ARHGAP10: variants seen among roughly 807,000 people sequenced by gnomAD.
ARHGAP10 encodes the protein rho GTPase-activating protein 10.
Under a neutral mutation model 108.6 loss-of-function variants are expected in ARHGAP10, and 87 were observed. The observed-to-expected ratio is 0.80, with a 90% CI of 0.67 to 0.96. The LOEUF is 0.96. ARHGAP10 is among the 40% of genes least tolerant of loss of function. ARHGAP10 has a pLI of 0.00. For missense variants in ARHGAP10, 939 were observed against 954.5 expected, an observed-to-expected ratio of 0.98 and a Z score of 0.21; for synonymous variants, 347 against 341.1, an observed-to-expected ratio of 1.02 and a Z score of -0.19.
intron 1 of ARHGAP10, among the ~76,000 whole-genome samples, chr4:147,821,632 C>T (rs1732501383): frequency 6.6e-6 from 1 of 152,136 alleles, no homozygotes. Flanking sequence ...GGAGCAGGGG[C>T]TATATGGGGA....
intron 1 of ARHGAP10, among the ~76,000 whole-genome samples, chr4:147,795,875 A>G (rs1731299971): frequency 6.6e-6 from 1 of 151,838 alleles, no homozygotes. Flanking sequence ...TTGTATTTTT[A>G]GTAAAGATGG....
intron 10 of ARHGAP10, among the ~76,000 whole-genome samples, chr4:147,906,359 G>A (rs1308573616): frequency 6.6e-6 from 1 of 152,150 alleles, no homozygotes. Flanking sequence ...AGGCTTTTAT[G>A]TAGCAATTGA....
intron 1 of ARHGAP10, among the ~76,000 whole-genome samples, chr4:147,740,839 T>C (rs1235386959): frequency 6.6e-6 from 1 of 152,218 alleles, no homozygotes; most frequent in Non-Finnish European, 1.5e-5. Flanking sequence ...CATTTATTTT[T>C]CCCCCTCCCC....
At position 148,072,226 on chromosome 4, in the gene ARHGAP10, G is replaced by T. The variant is rs1434545859; in HGVS notation, c.*145G>T. On this transcript the variant is annotated 3_prime_UTR_variant, in exon 23 of 23. Transcript: ENST00000336498. ...ACCATCATCACAGTCAGCCCTGGGG[G>T]TGGGGGGTGGTGGGCAGGGATGGGA... 3.0e-5 allele frequency: 16 copies of T among 536,024 alleles called. 1 individual carries two copies. Among genetic ancestry groups the T allele is most frequent in the Non-Finnish European group, 4.2e-5 (13 of 309,540 alleles). The allele number at this position is 536,024 out of a possible 1,614,324, so 33.2% of individuals were successfully genotyped here. A position where few individuals can be genotyped will look rare whatever the true frequency, so the allele number is the denominator to read the frequency against.
chr4:147,837,662 T>TTTTTTGTTTTTTTTTTTTA (rs1733233202), intron 3 of ARHGAP10, among the ~76,000 whole-genome samples: 1 of 148,594 alleles, frequency 6.7e-6, no homozygotes, highest in Non-Finnish European at 1.5e-5. Flanking sequence ...TTTTTTTTTT[T>TTTTTTGTTTTTTTTTTTTA]AAAGCAGTAG....
rs532779521 is a variant in ARHGAP10, at chr4:147,886,681, A to G, written c.1034+4749A>G. On this transcript the variant is annotated intron_variant, in intron 10 of 22. Transcript: ENST00000336498. Reference sequence around the variant, plus strand: ...CTCTCTTTCTAGAGAAGCAATTTCTACTGTATTCATGGGATCACTTCAAAT... The same window carrying G: ...CTCTCTTTCTAGAGAAGCAATTTCTGCTGTATTCATGGGATCACTTCAAAT... Among the ~76,000 whole-genome samples the G allele has an allele frequency of 1.3e-4, 20 of 152,282 alleles. 1 individual carries two copies. The highest frequency in any genetic ancestry group is 4.3e-4 in the African/African-American group (18 of 41,560).
chr4:147,964,175 G>C (rs995485318), intron 16 of ARHGAP10, among the ~76,000 whole-genome samples: 2 of 151,958 alleles, frequency 1.3e-5, no homozygotes, highest in Non-Finnish European at 2.9e-5. Context: ...CCCTCCCTAC[G>C]AGCCTCCTCT....
At position 147,820,388 on chromosome 4, in the gene ARHGAP10, C is replaced by T. The variant is rs143035312; in HGVS notation, c.155-2339C>T. Among the ~76,000 whole-genome samples the T allele has an allele frequency of 4.8e-3, 724 of 151,656 alleles. 5 individuals carry two copies. The highest frequency in any genetic ancestry group is 0.016 in the African/African-American group (680 of 41,328). ...GCAACCTTCGCCTCCTGAGTTCAAG[C>T]GATTCTCCTGCCTCAGCCTCCCAAG... On this transcript the variant is annotated intron_variant, in intron 1 of 22. Transcript: ENST00000336498.
At chr4:147,774,981 C>T (rs1011401318) in intron 1 of ARHGAP10, among the ~76,000 whole-genome samples, 13 of 151,720 alleles carry the variant, frequency 8.6e-5, no homozygotes, top group Non-Finnish European at 1.6e-4. Flanking sequence ...TCTGGGCTCA[C>T]TGCAACCTCT....
At chr4:147,906,307 T>A (rs1168801732) in intron 10 of ARHGAP10, among the ~76,000 whole-genome samples, 1 of 152,136 alleles carries the variant, frequency 6.6e-6, no homozygotes, top group African/African-American at 2.4e-5. Context: ...ATATTGTGAA[T>A]GGATAAGAAA....
At chr4:147,951,245 C>T (rs1184896573) in intron 15 of ARHGAP10, among the ~76,000 whole-genome samples, 1 of 151,938 alleles carries the variant, frequency 6.6e-6, no homozygotes, top group African/African-American at 2.4e-5. Flanking sequence ...CTCCCTCGAC[C>T]CCACTTTTCT....
At chr4:148,045,522 A>AG (rs1384910503) in intron 19 of ARHGAP10, among the ~76,000 whole-genome samples, 13 of 151,980 alleles carry the variant, frequency 8.6e-5, no homozygotes, top group African/African-American at 3.1e-4. Context: ...CAGGCGGATC[A>AG]CCTGAGGTCA....
chr4:147,831,657 A>G (rs183427659), intron 3 of ARHGAP10, among the ~76,000 whole-genome samples: 2 of 152,196 alleles, frequency 1.3e-5, no homozygotes, highest in African/African-American at 4.8e-5. Context: ...GACCTTTACA[A>G]TTGGACAGCA....
chr4:148,058,253 C>T (rs1389844875), intron 20 of ARHGAP10, among the ~76,000 whole-genome samples: 1 of 152,166 alleles, frequency 6.6e-6, no homozygotes, highest in Non-Finnish European at 1.5e-5. Context: ...AGCTTCTGCT[C>T]AGAGACCTGG....
chr4:147,956,186 A>G (rs967218821), intron 16 of ARHGAP10, among the ~76,000 whole-genome samples: 14 of 152,178 alleles, frequency 9.2e-5, no homozygotes, highest in Admixed American at 9.2e-4. Context: ...TCACAGGTGC[A>G]CTGACAGTAG....
chr4:147,956,236 G>A (rs977695022), intron 16 of ARHGAP10, among the ~76,000 whole-genome samples: 3 of 152,102 alleles, frequency 2.0e-5, no homozygotes, highest in Non-Finnish European at 4.4e-5. Context: ...TTCTCCTCTT[G>A]GATGTATTCC....
intron 13 of ARHGAP10, among the ~76,000 whole-genome samples, chr4:147,925,158 G>T (rs375105081): frequency 1.3e-5 from 2 of 152,116 alleles, no homozygotes; most frequent in African/African-American, 4.8e-5. Flanking sequence ...ATAGCCAGAG[G>T]CTCAGGAAGA....
intron 10 of ARHGAP10, among the ~76,000 whole-genome samples, chr4:147,886,305 T>A (rs4835104): frequency 0.95 from 143,974 of 152,292 alleles, 68,512 homozygotes; most frequent in Non-Finnish European, 1. Context: ...AGCACTTGGC[T>A]TCTTGACTTG....
At chr4:147,823,520 G>T (rs2126787459) in intron 3 of ARHGAP10, among the ~76,000 whole-genome samples, 1 of 152,278 alleles carries the variant, frequency 6.6e-6, no homozygotes, top group African/African-American at 2.4e-5. Flanking sequence ...CCCTTTAGGA[G>T]GCTAAGCTGG....
Sources: gnomAD v4.1 joint callset for allele counts (sites outside exome capture counted in the v4.1 genomes callset) on GRCh38, gnomAD v4.1.1 for gene constraint, MANE v1.5 for transcripts, NCBI Gene and HGNC (gene_info 2026-07-23, HGNC 2026-07-21) for gene names.